NUP98: variants seen among roughly 807,000 people sequenced by gnomAD.
NUP98 encodes nuclear pore complex protein Nup98-Nup96.
Under a neutral mutation model 191.9 loss-of-function variants are expected in NUP98, and 26 were observed. That is an observed-to-expected ratio of 0.14 (90% CI 0.10 to 0.19). The LOEUF (loss-of-function observed/expected upper bound fraction) is 0.19, where lower values mean the gene tolerates loss of function less well. NUP98 is among the 10% of genes least tolerant of loss of function. The probability of loss-of-function intolerance (pLI) is 1.00; values close to 1 mark genes in which losing one functional copy is unlikely to be tolerated. For missense variants in NUP98, 1,941 were observed against 2,178.8 expected, an observed-to-expected ratio of 0.89 and a Z score of 2.17; for synonymous variants, 808 against 778.4, an observed-to-expected ratio of 1.04 and a Z score of -0.63.
chr11:3,712,771 C>T (rs1024789623), intron 19 of NUP98, 43 bp from the exon 20 acceptor site: 2 of 1,586,286 alleles, frequency 1.3e-6, no homozygotes, highest in Non-Finnish European at 1.7e-6. Flanking sequence ...AAACATTATG[C>T]TTTCCCAATA....
At position 3,768,685 on chromosome 11, in the gene NUP98, T is replaced by C. The variant is rs779398409; in HGVS notation, c.844A>G (p.Thr282Ala). 54 of 1,609,030 alleles carry C rather than the reference T, an allele frequency of 3.4e-5. No homozygotes were observed. The highest frequency in any genetic ancestry group is 4.2e-5 in the Non-Finnish European group (49 of 1,177,064). Residue 282 changes from threonine (T) to alanine (A), a missense_variant, in exon 8 of 33, where the codon ACC (threonine) becomes GCC (alanine). This residue lies in a region of NUP98 where 181 missense variants were observed against 228.0 expected (regional missense o/e 0.79). Coordinates refer to ENST00000324932, the MANE Select transcript of NUP98 (RefSeq NM_016320.5). ...CCAAATGGTTTGCTGAAGAGGCTGG[T>C]AGTCTGCTGATTCTGTTGGCCAAAG... ...GLFGQQNQQT[T>A]SLFSKPFGQA... is the part of the protein sequence containing the mutation.
At chr11:3,679,920 G>T (rs1473005059) in intron 30 of NUP98, among the ~76,000 whole-genome samples, 1 of 152,120 alleles carries the variant, frequency 6.6e-6, no homozygotes, top group Non-Finnish European at 1.5e-5. Flanking sequence ...CAAATTTTTT[G>T]GTTTTCCAGT....
chr11:3,770,719 T>A (rs536739125), intron 7 of NUP98, among the ~76,000 whole-genome samples: 1 of 152,180 alleles, frequency 6.6e-6, no homozygotes, highest in Admixed American at 6.6e-5. Context: ...TTGTATCACA[T>A]ATGTGCATTA....
chr11:3,764,900 C>T (rs2081288766), intron 8 of NUP98, among the ~76,000 whole-genome samples: 1 of 152,054 alleles, frequency 6.6e-6, no homozygotes, highest in South Asian at 2.1e-4. Context: ...TTTATTGTAT[C>T]TTTCAAATAG....
intron 7 of NUP98, 128 bp from the exon 8 acceptor site, chr11:3,768,872 T>C (rs2081426064): frequency 8.3e-6 from 5 of 601,550 alleles, no homozygotes; most frequent in Non-Finnish European, 1.0e-5. Flanking sequence ...CTTCATTCAC[T>C]ACTTGATCAT....
rs1348552265 is a variant in NUP98, at chr11:3,763,299, C to A, written c.949-260G>T. On this transcript the variant is annotated intron_variant, in intron 8 of 32. Transcript: ENST00000324932. ...ACAGAAGTTCAAACCTATATTTAAG[C>A]CCCTGTTCTTCCCAGGATGATGAAC... Among the ~76,000 whole-genome samples, 4 of 152,080 alleles carry A rather than the reference C, an allele frequency of 2.6e-5. No homozygotes were observed. In the East Asian group the frequency reaches 7.7e-4, roughly 29 times the overall value.
At chr11:3,731,334 A>C in intron 14 of NUP98, 57 bp downstream of exon 14, 1 of 1,115,816 alleles carries the variant, frequency 9.0e-7, no homozygotes, top group Non-Finnish European at 1.2e-6. Flanking sequence ...ATATTATTTC[A>C]TATTTAGTTT....
At position 3,708,151 on chromosome 11, in the gene NUP98, T is replaced by C. The variant is rs1481847066; in HGVS notation, c.2743-1524A>G. 2.6e-5 allele frequency among the ~76,000 whole-genome samples: 4 copies of C among 152,144 alleles called. 1 individual carries two copies. The South Asian group carries it at 6.2e-4, about 24-fold the overall frequency. ...AGGTCGTGAAGGCTTGATAAAATGGTTTATGGCTGTTTTCTGTGTCTAGCA... is the reference window on the plus strand; with the variant it reads ...AGGTCGTGAAGGCTTGATAAAATGGCTTATGGCTGTTTTCTGTGTCTAGCA... On this transcript the variant is annotated intron_variant, in intron 20 of 32. Transcript: ENST00000324932.
chr11:3,757,424 T>C (rs1476544525), intron 10 of NUP98, among the ~76,000 whole-genome samples: 3 of 151,032 alleles, frequency 2.0e-5, no homozygotes, highest in Non-Finnish European at 2.9e-5. Context: ...GAGGCGGAGG[T>C]TGCAGTGAGC....
At chr11:3,781,029 G>A (rs1000857719) in intron 2 of NUP98, among the ~76,000 whole-genome samples, 2 of 151,812 alleles carry the variant, frequency 1.3e-5, no homozygotes, top group Admixed American at 6.6e-5. Context: ...ACAGCGAGCT[G>A]AGAAAAATGA....
At chr11:3,711,762 C>A (rs759415402) in intron 20 of NUP98, 1 of 703,384 alleles carries the variant, frequency 1.4e-6, no homozygotes, top group Non-Finnish European at 1.8e-6. Flanking sequence ...AATATATTTC[C>A]AGTTTCCCAC....
At chr11:3,753,598 T>C (rs1408729651) in intron 10 of NUP98, among the ~76,000 whole-genome samples, 190 bp from the exon 11 acceptor site, 1 of 151,754 alleles carries the variant, frequency 6.6e-6, no homozygotes, top group Non-Finnish European at 1.5e-5. Context: ...ATTTACTTAA[T>C]TACATTTCAG....
At chr11:3,777,361 G>A (rs184587430) in intron 4 of NUP98, among the ~76,000 whole-genome samples, 103 of 151,960 alleles carry the variant, frequency 6.8e-4, no homozygotes, top group Non-Finnish European at 1.4e-3. Flanking sequence ...GGTGGCTCAC[G>A]CCTGTAATCC....
At chr11:3,765,926 A>G (rs1281922025) in intron 8 of NUP98, among the ~76,000 whole-genome samples, 3 of 152,146 alleles carry the variant, frequency 2.0e-5, no homozygotes, top group Non-Finnish European at 4.4e-5. Context: ...TGAAAAGACT[A>G]TTCTTTCCTC....
At chr11:3,723,486 T>C in intron 15 of NUP98, 31 bp from the exon 16 acceptor site, 1 of 1,577,842 alleles carries the variant, frequency 6.3e-7, no homozygotes, top group African/African-American at 1.3e-5. Context: ...TACCTTAGCC[T>C]CTTGTAGTAG....
In NUP98 at chr11:3,731,406, C is replaced by T. The variant is rs761256776; in HGVS notation, c.1715G>A (p.Gly572Glu). The change falls in exon 14 of 33, where the codon GGA becomes GAA. Residue 572 changes from glycine (G) to glutamate (E), a missense_variant. Transcript: ENST00000324932. ...ATAAACTCACTTGGGCATGAATGCT[C>T]CATTGGCTAGGGATGGTTCATCGTC... is the stretch of plus-strand genomic sequence containing the variant. ...LDDDEPSLAN[G>E]AFMPKKSIKK... 6.3e-7 allele frequency: 1 copy of T among 1,578,754 alleles called. No homozygotes were observed. The highest frequency in any genetic ancestry group is 1.2e-5 in the South Asian group (1 of 82,732).
intron 10 of NUP98, among the ~76,000 whole-genome samples, chr11:3,758,467 C>T (rs1428943207): frequency 2.0e-5 from 3 of 152,024 alleles, no homozygotes; most frequent in Admixed American, 6.6e-5. Context: ...CCTTAACTAT[C>T]TTTCCATTTT....
In NUP98 at chr11:3,678,982, T is replaced by C. The variant is rs11828322; in HGVS notation, c.5073+572A>G. On this transcript the variant is annotated intron_variant, in intron 31 of 32. Transcript: ENST00000324932. ...ACTAAAAATACAAAAGTTAGCTGCGTGTGGTGGCACACACCCTATACTCCC... is the reference window on the plus strand; with the variant it reads ...ACTAAAAATACAAAAGTTAGCTGCGCGTGGTGGCACACACCCTATACTCCC... 4.6e-3 allele frequency among the ~76,000 whole-genome samples: 704 copies of C among 152,066 alleles called. 3 individuals carry two copies. Among genetic ancestry groups the C allele is most frequent in the African/African-American group, 0.016 (674 of 41,484 alleles).
At position 3,788,496 on chromosome 11, in the gene NUP98, C is replaced by T. The variant is rs189240119; in HGVS notation, c.-28-6351G>A. ...ATCCCAGCTACTCAGGAGGCTGAGG[C>T]AGGAGAACTGCTTGAACCTGGGAGG... On this transcript the variant is annotated intron_variant, in intron 1 of 32. Coordinates refer to ENST00000324932, the MANE Select transcript of NUP98 (RefSeq NM_016320.5). Among the ~76,000 whole-genome samples the T allele has an allele frequency of 1.9e-4, 29 of 152,216 alleles. No homozygotes were observed. In the East Asian group the frequency reaches 5.6e-3, roughly 29 times the overall value.
Sources: allele counts gnomAD v4.1 joint callset (sites outside exome capture counted in the v4.1 genomes callset), GRCh38; gene constraint gnomAD v4.1.1; regional missense constraint gnomAD v4.1.1; transcripts MANE v1.5; gene names NCBI Gene and HGNC (gene_info 2026-07-23, HGNC 2026-07-21).